SLC22A25: variants seen among roughly 807,000 people sequenced by gnomAD.
SLC22A25 encodes the protein MGI:2442751, MGI:2385316, MGI:3042283, MGI:3645714, MGI:3605624, MGI:2442750.
Under a neutral mutation model 45.9 loss-of-function variants are expected in SLC22A25, and 44 were observed. That is an observed-to-expected ratio of 0.96 (90% CI 0.75 to 1.23). The LOEUF (loss-of-function observed/expected upper bound fraction) is 1.23. Among genes scored for constraint, SLC22A25 ranks in the 50% most tolerant of loss-of-function variants. The pLI is 0.00. For synonymous variants in SLC22A25, 283 were observed against 238.6 expected, an observed-to-expected ratio of 1.19 and a Z score of -1.72; for missense variants, 800 against 666.4, an observed-to-expected ratio of 1.20 and a Z score of -2.21.
Position 63,217,657 on chromosome 11 carries a change from G to T in SLC22A25, c.585C>A (p.Thr195=). The T allele has an allele frequency of 6.2e-7, 1 of 1,613,974 alleles. No individual in the cohort carries two copies. Among genetic ancestry groups the T allele is most frequent in the Non-Finnish European group, 8.5e-7 (1 of 1,179,976 alleles). Residue 195 remains threonine, a synonymous_variant, in exon 6 of 12, where the codon ACC becomes ACA. Coordinates refer to ENST00000306494, the MANE Select transcript of SLC22A25 (RefSeq NM_199352.6). ...AGCGCAGGGAGCAGTATACGAGGAT[G>T]GTGGGAGCAAAGGCCGCACAGGTGC... is the stretch of plus-strand genomic sequence containing the variant. The part of the protein sequence containing the change: ...IVGTCAAFAP[T]ILVYCSLRFL...
At chr11:63,234,708 AG>A (rs1417596184) in intron 3 of SLC22A25, among the ~76,000 whole-genome samples, 2 of 152,156 alleles carry the variant, frequency 1.3e-5, no homozygotes, top group African/African-American at 4.8e-5. Flanking sequence ...TTTGCTTGTT[AG>A]TTGATGCAGT....
At chr11:63,186,988 C>G (rs565014212) in intron 7 of SLC22A25, among the ~76,000 whole-genome samples, 3 of 152,050 alleles carry the variant, frequency 2.0e-5, no homozygotes, top group East Asian at 1.9e-4. Context: ...TGGTGCCTCC[C>G]GCTTTGTTCT....
chr11:63,178,614 A>G, intron 9 of SLC22A25, among the ~76,000 whole-genome samples: 1 of 152,056 alleles, frequency 6.6e-6, no homozygotes, highest in East Asian at 1.9e-4. Flanking sequence ...ATCTTATTTT[A>G]AGAAATGTCT....
chr11:63,166,694 G>A, intron 9 of SLC22A25: 2 of 998,084 alleles, frequency 2.0e-6, no homozygotes, highest in Non-Finnish European at 1.2e-6. Flanking sequence ...TTACAATCAG[G>A]AATGTTTACT....
intron 7 of SLC22A25, among the ~76,000 whole-genome samples, chr11:63,197,858 G>T (rs557751416): frequency 4.6e-5 from 7 of 151,460 alleles, no homozygotes; most frequent in South Asian, 2.1e-4. Flanking sequence ...AATCTACAAA[G>T]AACTTAAATA....
At chr11:63,233,797 A>G (rs1335659719) in intron 3 of SLC22A25, among the ~76,000 whole-genome samples, 1 of 152,168 alleles carries the variant, frequency 6.6e-6, no homozygotes, top group Non-Finnish European at 1.5e-5. Context: ...CCCTCTACAC[A>G]CTGCTTTGAA....
At chr11:63,182,834 G>T (rs573416719) in intron 8 of SLC22A25, among the ~76,000 whole-genome samples, 1 of 151,994 alleles carries the variant, frequency 6.6e-6, no homozygotes, top group Non-Finnish European at 1.5e-5. Flanking sequence ...TGATTAACTA[G>T]CTCCTAGTCC....
Position 63,209,249 on chromosome 11 carries a change from G to A in SLC22A25, c.830+8065C>T, listed in dbSNP as rs115517526. Among the ~76,000 whole-genome samples, 1,238 of 152,216 alleles carry A rather than the reference G, an allele frequency of 8.1e-3. 14 individuals are homozygous for A. Among genetic ancestry groups the A allele is most frequent in the African/African-American group, 0.027 (1,127 of 41,536 alleles). ...AATTGTTTACAGCCCTGCCTAGAGG[G>A]ATACTGCAAGGCATTAGTGGCTCGG... On this transcript the variant is annotated intron_variant, in intron 7 of 11. Coordinates refer to ENST00000306494, the MANE Select transcript of SLC22A25 (RefSeq NM_199352.6).
At chr11:63,217,790 T>C (rs1590888892) in intron 5 of SLC22A25, 55 bp from the exon 6 acceptor site, 4 of 1,544,554 alleles carry the variant, frequency 2.6e-6, no homozygotes, top group Non-Finnish European at 3.5e-6. Flanking sequence ...TTGGGAAATG[T>C]TAGCAAAGGG....
chr11:63,198,859 G>A (rs530853801), intron 7 of SLC22A25, among the ~76,000 whole-genome samples: 1 of 152,098 alleles, frequency 6.6e-6, no homozygotes, highest in Non-Finnish European at 1.5e-5. Flanking sequence ...GAAACTTAAT[G>A]AGAACAAAGA....
intron 9 of SLC22A25, among the ~76,000 whole-genome samples, chr11:63,180,099 C>T (rs1193480045): frequency 1.3e-5 from 2 of 152,136 alleles, no homozygotes; most frequent in Non-Finnish European, 2.9e-5. Context: ...GTTTCGTGCT[C>T]ATCTGGGGCA....
chr11:63,185,142 A>AT (rs1259044388), intron 7 of SLC22A25, among the ~76,000 whole-genome samples: 3 of 152,004 alleles, frequency 2.0e-5, no homozygotes, highest in Admixed American at 1.3e-4. Context: ...ATTTTATTTT[A>AT]TTTTTTTATT....
At position 63,161,196 on chromosome 11, in the gene SLC22A25, A is replaced by G. The variant is rs541603303; in HGVS notation, c.*2628T>C. Among the ~76,000 whole-genome samples the G allele has an allele frequency of 7.2e-5, 11 of 152,160 alleles. No individual in the cohort carries two copies. In the South Asian group the frequency reaches 2.3e-3, roughly 32 times the overall value. On this transcript the variant is annotated 3_prime_UTR_variant, in exon 12 of 12. Transcript: ENST00000306494. ...GGTCAATTTCTCCCATTTGGAATGG[A>G]TGTATTTATCCAATGCCTGTACCCC...
At chr11:63,219,880 T>G (rs2134821566) in intron 5 of SLC22A25, 1 of 1,268,506 alleles carries the variant, frequency 7.9e-7, no homozygotes, top group South Asian at 1.2e-5. Context: ...GACTCTCAAC[T>G]CTTTTAAGTG....
chr11:63,177,718 T>C (rs115139252), intron 9 of SLC22A25, among the ~76,000 whole-genome samples: 2,732 of 151,138 alleles, frequency 0.018, 73 homozygotes, highest in African/African-American at 0.051. Flanking sequence ...ATCCATGTTG[T>C]TGTAAATGAC....
At chr11:63,164,423 T>G in intron 11 of SLC22A25, 103 bp downstream of exon 11, 1 of 1,014,482 alleles carries the variant, frequency 9.9e-7, no homozygotes, top group Non-Finnish European at 1.5e-6. Flanking sequence ...TACATTTGAT[T>G]GTTTTTTAAC....
chr11:63,167,982 CTT>C (rs1488965916), intron 9 of SLC22A25: 2 of 387,662 alleles, frequency 5.2e-6, no homozygotes, highest in Non-Finnish European at 1.0e-5. Context: ...AGGCAGGAAT[CTT>C]TGCTGTTCTG....
chr11:63,209,078 A>G (rs1182523848), intron 7 of SLC22A25, among the ~76,000 whole-genome samples: 1 of 152,188 alleles, frequency 6.6e-6, no homozygotes, highest in Non-Finnish European at 1.5e-5. Context: ...CCTGCTTTCA[A>G]TGTGGGGTGG....
intron 3 of SLC22A25, among the ~76,000 whole-genome samples, chr11:63,235,797 A>G (rs1174259285): frequency 6.6e-6 from 1 of 152,018 alleles, no homozygotes; most frequent in Non-Finnish European, 1.5e-5. Context: ...GTCTTTGATG[A>G]TGGTGACGTA....
Sources: gnomAD v4.1 joint callset for allele counts (sites outside exome capture counted in the v4.1 genomes callset) on GRCh38, gnomAD v4.1.1 for gene constraint, MANE v1.5 for transcripts, NCBI Gene and HGNC (gene_info 2026-07-23, HGNC 2026-07-21) for gene names.